FAR2: variants seen among roughly 807,000 people sequenced by gnomAD.
FAR2 encodes fatty acyl-CoA reductase 2, also known as epididymis secretory protein Li 81.
Under a neutral mutation model 56.0 loss-of-function variants are expected in FAR2, and 19 were observed. The observed-to-expected ratio is 0.34, with a 90% CI of 0.24 to 0.50. The LOEUF is 0.50. Among genes scored for constraint, FAR2 ranks in the 20% least tolerant of loss-of-function variants. The pLI, the probability that FAR2 is intolerant of heterozygous loss-of-function variation, is 0.98. For synonymous variants in FAR2, 219 were observed against 218.8 expected, an observed-to-expected ratio of 1.00 and a Z score of -0.01; for missense variants, 508 against 642.2, an observed-to-expected ratio of 0.79 and a Z score of 2.26.
intron 10 of FAR2, among the ~76,000 whole-genome samples, chr12:29,328,915 AAAC>A (rs1949689850): frequency 6.6e-6 from 1 of 152,124 alleles, no homozygotes; most frequent in Admixed American, 6.5e-5. Flanking sequence ...AAAGAAAAAA[AAAC>A]AATATATCAG....
intron 6 of FAR2, chr12:29,310,028 A>G (rs1565518108): frequency 6.6e-6 from 1 of 152,210 alleles, no homozygotes; most frequent in Non-Finnish European, 1.5e-5. Context: ...CAATACAGAT[A>G]TGAGACAGTG....
At chr12:29,179,319 A>C (rs1949970034) in intron 1 of FAR2, among the ~76,000 whole-genome samples, 1 of 152,216 alleles carries the variant, frequency 6.6e-6, no homozygotes, top group Admixed American at 6.5e-5. Flanking sequence ...AGGAGGAAAG[A>C]GCAAGGACAC....
chr12:29,187,110 C>T (rs1048246345), intron 1 of FAR2, among the ~76,000 whole-genome samples: 1 of 152,106 alleles, frequency 6.6e-6, no homozygotes, highest in Non-Finnish European at 1.5e-5. Context: ...TATAACTGTT[C>T]TTGGTAGTAG....
At chr12:29,251,491 G>T (rs11050152) in intron 1 of FAR2, among the ~76,000 whole-genome samples, 47,235 of 152,002 alleles carry the variant, frequency 0.31, 7,693 homozygotes, top group Non-Finnish European at 0.37. Flanking sequence ...ACTCAGAATA[G>T]GAGGTCAGGT....
intron 2 of FAR2, among the ~76,000 whole-genome samples, chr12:29,290,079 A>G (rs1174371223): frequency 9.9e-5 from 15 of 152,210 alleles, no homozygotes; most frequent in Non-Finnish European, 4.4e-5. Flanking sequence ...GAACCCTCAT[A>G]TGCTGTTGGT....
intron 1 of FAR2, among the ~76,000 whole-genome samples, chr12:29,246,312 G>A (rs1271515714): frequency 6.6e-6 from 1 of 151,998 alleles, no homozygotes; most frequent in African/African-American, 2.4e-5. Flanking sequence ...GAAAAAAAAA[G>A]ATCAAGTTTT....
At chr12:29,263,357 C>G (rs746571025) in intron 1 of FAR2, among the ~76,000 whole-genome samples, 15 of 152,046 alleles carry the variant, frequency 9.9e-5, no homozygotes, top group Non-Finnish European at 1.8e-4. Flanking sequence ...CATTCTTCTC[C>G]TCAGAACATG....
rs189037031 is a variant in FAR2 at position 29,219,283 on chromosome 12, A to C, written c.-38-51129A>C. ...TCAAACAGCCTGGCCCATAGTAAAC[A>C]CTAAAGTAATGTTCAATACGTAAAA... is the stretch of plus-strand genomic sequence containing the variant. On this transcript the variant is annotated intron_variant, in intron 1 of 11. Transcript: ENST00000536681. Among the ~76,000 whole-genome samples, 5 of 152,178 alleles carry C rather than the reference A, an allele frequency of 3.3e-5. No individual in the cohort carries two copies. The East Asian group carries it at 7.7e-4, about 23-fold the overall frequency.
intron 10 of FAR2, among the ~76,000 whole-genome samples, chr12:29,326,469 A>C (rs1355646633): frequency 1.3e-5 from 2 of 151,866 alleles, no homozygotes; most frequent in Admixed American, 6.6e-5. Flanking sequence ...TTTTAGACCA[A>C]TATCCTTGAT....
At chr12:29,213,992 C>G (rs559354151) in intron 1 of FAR2, among the ~76,000 whole-genome samples, 1 of 152,286 alleles carries the variant, frequency 6.6e-6, no homozygotes, top group African/African-American at 2.4e-5. Flanking sequence ...AAGTTCCACT[C>G]CAGAGTTACC....
At chr12:29,232,821 G>GCA (rs71042969) in intron 1 of FAR2, among the ~76,000 whole-genome samples, 2,373 of 145,900 alleles carry the variant, frequency 0.016, 27 homozygotes, top group South Asian at 0.062. Flanking sequence ...ACGCGCTCGC[G>GCA]CACACACACA....
rs71042981 is a variant in FAR2 at position 29,299,213 on chromosome 12, C to CAAAAAAAAAAAAAAA, written c.545+2021_545+2035dup. ...GGTCAACAAGAGCAAAACTTTGTCT[C>CAAAAAAAAAAAAAAA]AAAAAAAAAAAAAAAAAAAAAAGAA... On this transcript the variant is annotated intron_variant, in intron 4 of 11. Coordinates refer to ENST00000536681, the MANE Select transcript of FAR2 (RefSeq NM_001271783.2). Among the ~76,000 whole-genome samples the CAAAAAAAAAAAAAAA allele has an allele frequency of 6.1e-4, 63 of 103,530 alleles. 1 individual carries two copies. The highest frequency in any genetic ancestry group is 1.8e-3 in the African/African-American group (47 of 25,876). The allele number at this position is 103,530 out of a possible 152,430, so 67.9% of individuals were successfully genotyped here.
At chr12:29,175,611 C>A (rs576304730) in intron 1 of FAR2, among the ~76,000 whole-genome samples, 1 of 152,240 alleles carries the variant, frequency 6.6e-6, no homozygotes, top group Non-Finnish European at 1.5e-5. Context: ...ATCCATTTTA[C>A]AGAGCGTTGA....
intron 1 of FAR2, among the ~76,000 whole-genome samples, chr12:29,165,551 C>T (rs1731807409): frequency 6.6e-6 from 1 of 152,170 alleles, no homozygotes; most frequent in African/African-American, 2.4e-5. Context: ...GAGAACTAAC[C>T]TAAAGAATGC....
chr12:29,172,354 C>T (rs12815733), intron 1 of FAR2, among the ~76,000 whole-genome samples: 5,904 of 152,158 alleles, frequency 0.039, 334 homozygotes, highest in African/African-American at 0.13. Context: ...TTTGCATTTT[C>T]GACATTAAAG....
intron 1 of FAR2, among the ~76,000 whole-genome samples, chr12:29,181,260 T>G (rs551720949): frequency 1.5e-4 from 23 of 152,294 alleles, no homozygotes; most frequent in Admixed American, 1.3e-4. Flanking sequence ...ATAAAAGCAC[T>G]TATTAAACAC....
intron 1 of FAR2, among the ~76,000 whole-genome samples, chr12:29,188,047 ATCTCCC>A (rs1035188238): frequency 6.6e-6 from 1 of 152,144 alleles, no homozygotes; most frequent in African/African-American, 2.4e-5. Context: ...TGCTCATCCC[ATCTCCC>A]ATCCTCATGC....
rs562866414 is a variant in FAR2 at position 29,276,635 on chromosome 12, G to C, written c.189+5997G>C. On this transcript the variant is annotated intron_variant, in intron 2 of 11. Transcript: ENST00000536681. The stretch of plus-strand genomic sequence containing the variant: ...TGCTTCAGAATATAAGAATGCTATC[G>C]CTGATTGGCTGTGGATAAAGCTCTG... Among the ~76,000 whole-genome samples the C allele has an allele frequency of 2.0e-5, 3 of 152,262 alleles. No individual in the cohort carries two copies. In the South Asian group the frequency reaches 6.2e-4, roughly 32 times the overall value.
chr12:29,193,391 C>T (rs10843342), intron 1 of FAR2, among the ~76,000 whole-genome samples: 5 of 152,048 alleles, frequency 3.3e-5, no homozygotes, highest in Non-Finnish European at 5.9e-5. Flanking sequence ...CCTCTGTGCT[C>T]CATCTATCCA....
Sources: gnomAD v4.1 joint callset for allele counts (sites outside exome capture counted in the v4.1 genomes callset) on GRCh38, gnomAD v4.1.1 for gene constraint, MANE v1.5 for transcripts, NCBI Gene and HGNC (gene_info 2026-07-23, HGNC 2026-07-21) for gene names.